Variants in CNTNAP3B observed in about 807,000 individuals in gnomAD.
CNTNAP3B encodes contactin associated protein family member 3B.
CNTNAP3B carries 25 observed loss-of-function variants against 108.9 expected under a neutral mutation model. The ratio of observed to expected loss-of-function variants is 0.23; its 90% CI spans 0.17 to 0.32. The LOEUF is 0.32. Ranked by LOEUF, CNTNAP3B falls within the 10% of genes least tolerant of loss-of-function variation. The pLI, the probability that CNTNAP3B is intolerant of heterozygous loss-of-function variation, is 1.00. For missense variants in CNTNAP3B, 252 were observed against 1,210.4 expected, an observed-to-expected ratio of 0.21 and a Z score of 11.75; for synonymous variants, 103 against 473.4, an observed-to-expected ratio of 0.22 and a Z score of 10.16.
intron 18 of CNTNAP3B, among the ~76,000 whole-genome samples, chr9:41,917,627 A>C (rs1254852580): frequency 6.9e-6 from 1 of 144,988 alleles, no homozygotes; most frequent in African/African-American, 2.6e-5. Flanking sequence ...GTTCCTTACA[A>C]GTAAGCTGGA....
At chr9:42,126,697 G>A (rs538374387) in intron 1 of CNTNAP3B, among the ~76,000 whole-genome samples, 5,529 of 135,168 alleles carry the variant, frequency 0.041, 1,216 homozygotes, top group African/African-American at 0.13. Context: ...AGCCTCCCGA[G>A]TAGCTGGAAT....
At chr9:42,067,943 C>T (rs910468227) in intron 3 of CNTNAP3B, among the ~76,000 whole-genome samples, 1 of 132,826 alleles carries the variant, frequency 7.5e-6, no homozygotes, top group South Asian at 2.5e-4. Context: ...AAAACTTTCA[C>T]TAATTATATA....
Position 41,953,349 on chromosome 9 carries a change from G to A in CNTNAP3B, c.1914C>T (p.Pro638=), listed in dbSNP as rs780883988. The A allele has an allele frequency of 4.1e-4, 635 of 1,552,340 alleles. 2 individuals are homozygous for A. The East Asian group carries it at 0.012, about 29-fold the overall frequency. Residue 638 remains proline (P), a synonymous_variant, in exon 13 of 24, where the codon CCC becomes CCT. Coordinates refer to ENST00000377561, the MANE Select transcript of CNTNAP3B (RefSeq NM_001201380.3). The part of the protein sequence containing the change: ...SAWTVVRHGG[P]DAVTLRGAPS... ...GGGCACCTCGGAGGGTCACCGCGTC[G>A]GGGCCACCGTGCCGCACCACCGTCC...
At chr9:42,024,832 G>A (rs1194372848) in intron 3 of CNTNAP3B, among the ~76,000 whole-genome samples, 2 of 144,828 alleles carry the variant, frequency 1.4e-5, no homozygotes, top group Non-Finnish European at 3.0e-5. Context: ...TTTCTCAGGA[G>A]AAAAATCTCC....
At chr9:41,940,823 TAAC>T (rs1197912240) in intron 13 of CNTNAP3B, among the ~76,000 whole-genome samples, 13 of 152,046 alleles carry the variant, frequency 8.6e-5, no homozygotes, top group East Asian at 3.9e-4. Flanking sequence ...TCCAAAACAA[TAAC>T]AACAACAAAA....
intron 1 of CNTNAP3B, among the ~76,000 whole-genome samples, chr9:42,119,423 C>G (rs1489204922): frequency 7.6e-6 from 1 of 132,032 alleles, no homozygotes. Flanking sequence ...TTTATAGATT[C>G]AATGCCATCC....
rs1239454328 is a variant in CNTNAP3B at position 42,113,464 on chromosome 9, G to C, written c.86-8725C>G. ...CGAACCTATTTTTTTGAGACTTACT[G>C]CTAAGTAGAAAGAGAGGAAACCAAA... is the stretch of plus-strand genomic sequence containing the variant. On this transcript the variant is annotated intron_variant, in intron 1 of 23. Coordinates refer to ENST00000377561, the MANE Select transcript of CNTNAP3B (RefSeq NM_001201380.3). Among the ~76,000 whole-genome samples, 6 of 139,754 alleles carry C rather than the reference G, an allele frequency of 4.3e-5. 1 individual carries two copies. Among genetic ancestry groups the C allele is most frequent in the Non-Finnish European group, 6.2e-5 (4 of 65,038 alleles). 91.7% of individuals were successfully genotyped at this position (139,754 alleles called of 152,430 possible).
At position 42,084,307 on chromosome 9, in the gene CNTNAP3B, C is replaced by T. The variant is rs1445367685; in HGVS notation, c.197-7245G>A. On this transcript the variant is annotated intron_variant, in intron 2 of 23. Transcript: ENST00000377561. ...CACTTGGTGAGTAGAAACAATTAGG[C>T]AAAAGTGATGGGTGATGTGCAAATG... 7.4e-5 allele frequency among the ~76,000 whole-genome samples: 9 copies of T among 121,644 alleles called. 1 individual carries two copies. The highest frequency in any genetic ancestry group is 3.0e-4 in the African/African-American group (9 of 30,028). The allele number at this position is 121,644 out of a possible 152,430, so 79.8% of individuals were successfully genotyped here.
At chr9:42,110,819 T>A (rs1290590716) in intron 1 of CNTNAP3B, among the ~76,000 whole-genome samples, 2 of 139,508 alleles carry the variant, frequency 1.4e-5, no homozygotes, top group Non-Finnish European at 3.1e-5. Context: ...GGTTAAATAA[T>A]GCTTTTATTT....
rs777275137 is a variant in CNTNAP3B at position 42,129,127 on chromosome 9, C to G, written c.-33G>C. On this transcript the variant is annotated 5_prime_UTR_variant, in exon 1 of 24. Transcript: ENST00000377561. ...TCAGCCAGGCGCCCTGAGACCCGGG[C>G]ACGGCGACGGCCGCTCTGCGTCGTT... The G allele has an allele frequency of 6.9e-5, 106 of 1,538,438 alleles. 2 individuals are homozygous for G. The highest frequency in any genetic ancestry group is 8.8e-5 in the Non-Finnish European group (100 of 1,137,606).
chr9:42,113,147 T>A (rs1046350603), intron 1 of CNTNAP3B, among the ~76,000 whole-genome samples: 1 of 134,850 alleles, frequency 7.4e-6, no homozygotes, highest in African/African-American at 3.0e-5. Context: ...TGTGGAGAGA[T>A]GAAGGAGATG....
chr9:41,925,779 C>T (rs1269370804), intron 15 of CNTNAP3B, among the ~76,000 whole-genome samples: 54 of 152,324 alleles, frequency 3.5e-4, no homozygotes, highest in African/African-American at 1.2e-3. Flanking sequence ...AAGCTGACAC[C>T]CATGCCTTTT....
In CNTNAP3B at chr9:42,116,151, G is replaced by A. The variant is rs1452763296; in HGVS notation, c.86-11412C>T. Among the ~76,000 whole-genome samples the A allele has an allele frequency of 2.2e-5, 3 of 137,518 alleles. 1 individual carries two copies. Among genetic ancestry groups the A allele is most frequent in the East Asian group, 2.2e-4 (1 of 4,584 alleles). 90.2% of individuals were successfully genotyped at this position (137,518 alleles called of 152,430 possible). A position where few individuals can be genotyped will look rare whatever the true frequency, so the allele number is the denominator to read the frequency against. ...GAGGATCAAATGAATGAAATGAAGC[G>A]AGAAAAGAAGTTTAGAGAAAAAAGA... On this transcript the variant is annotated intron_variant, in intron 1 of 23. Coordinates refer to ENST00000377561, the MANE Select transcript of CNTNAP3B (RefSeq NM_001201380.3).
intron 15 of CNTNAP3B, among the ~76,000 whole-genome samples, chr9:41,925,164 T>G (rs1199326840): frequency 6.6e-6 from 1 of 150,650 alleles, no homozygotes; most frequent in Admixed American, 6.6e-5. Flanking sequence ...TTACCCAGTT[T>G]AAAATTTTTT....
rs534211734 is a variant in CNTNAP3B at position 42,042,233 on chromosome 9, T to TAA, written c.391-28710_391-28709dup. Among the ~76,000 whole-genome samples, 4 of 87,812 alleles carry TAA rather than the reference T, an allele frequency of 4.6e-5. 2 individuals are homozygous for TAA. The highest frequency in any genetic ancestry group is 1.7e-4 in the African/African-American group (4 of 23,962). 57.6% of individuals were successfully genotyped at this position (87,812 alleles called of 152,430 possible). A position where few individuals can be genotyped will look rare whatever the true frequency, so the allele number is the denominator to read the frequency against. ...TGTACCCTAGAACTTGAAGTATATA[T>TAA]AAAAAAAAGATCTGCATAGTTTTGG... On this transcript the variant is annotated intron_variant, in intron 3 of 23. Transcript: ENST00000377561.
intron 12 of CNTNAP3B, among the ~76,000 whole-genome samples, chr9:41,959,517 CTGGTTGTGACTT>C (rs1824992910): frequency 6.6e-6 from 1 of 152,306 alleles, no homozygotes; most frequent in Non-Finnish European, 1.5e-5. Context: ...AAGGTCCTTC[CTGGTTGTGACTT>C]TGGTTGAGTC....
chr9:41,948,307 G>A (rs1213981855), intron 13 of CNTNAP3B, among the ~76,000 whole-genome samples: 6 of 151,992 alleles, frequency 3.9e-5, no homozygotes, highest in East Asian at 1.9e-4. Flanking sequence ...GGCCAGGCAG[G>A]TCTCGAACTC....
chr9:41,921,063 G>A (rs1823654341), intron 17 of CNTNAP3B, among the ~76,000 whole-genome samples: 2 of 152,304 alleles, frequency 1.3e-5, no homozygotes, highest in Admixed American at 6.5e-5. Flanking sequence ...TCTGGAAAAT[G>A]CAGTTTTTAG....
chr9:41,926,361 A>G (rs1231946029), intron 15 of CNTNAP3B, among the ~76,000 whole-genome samples: 1 of 152,298 alleles, frequency 6.6e-6, no homozygotes, highest in African/African-American at 2.4e-5. Context: ...TATGTTAAAG[A>G]AAACAGAGAT....
Sources: gnomAD v4.1 joint callset for allele counts (sites outside exome capture counted in the v4.1 genomes callset) on GRCh38, gnomAD v4.1.1 for gene constraint, MANE v1.5 for transcripts, NCBI Gene and HGNC (gene_info 2026-07-23, HGNC 2026-07-21) for gene names.